The following GPRASP3 variants were observed in gnomAD, a reference collection of about 807,000 sequenced individuals.
The protein encoded by GPRASP3 is G protein-coupled receptor associated sorting protein family member 3, also known as G protein-coupled receptor associated sorting protein 3.
At chrX:102,744,109 C>T in the GPRASP3 span, among the ~76,000 whole-genome samples, 1 of 111,310 alleles carries the variant, frequency 9.0e-6, no homozygotes, top group Non-Finnish European at 1.9e-5. Flanking sequence ...GTAAATGTCT[C>T]CCAAAGTTAG....
chrX:102,748,860 G>A, the GPRASP3 span: 96 of 629,919 alleles, frequency 1.5e-4, no homozygotes, highest in South Asian at 3.1e-3. Context: ...CTTTGTGACT[G>A]CAGAACTGAC....
At chrX:102,750,422 C>T in the GPRASP3 span, 1 of 1,201,476 alleles carries the variant, frequency 8.3e-7, no homozygotes, top group Non-Finnish European at 1.1e-6. Flanking sequence ...GAAAATCCAA[C>T]TGCAGCCAGA....
the GPRASP3 span, among the ~76,000 whole-genome samples, chrX:102,740,257 A>G: frequency 2.7e-5 from 3 of 111,640 alleles, no homozygotes; most frequent in African/African-American, 9.8e-5. Context: ...ATCAACCACA[A>G]AAAGCAGAGT....
At chrX:102,737,004 TC>T in the GPRASP3 span, among the ~76,000 whole-genome samples, 2 of 111,753 alleles carry the variant, frequency 1.8e-5, no homozygotes, top group African/African-American at 3.3e-5. Context: ...CCTCTTTTTT[TC>T]CCAAGGAGTC....
At chrX:102,726,043 A>G in the GPRASP3 span, among the ~76,000 whole-genome samples, 2 of 112,309 alleles carry the variant, frequency 1.8e-5, no homozygotes, top group African/African-American at 6.5e-5. Flanking sequence ...TTGTGTTAAT[A>G]TTAAGATTTA....
chrX:102,733,335 T>A, the GPRASP3 span, among the ~76,000 whole-genome samples: 1 of 109,329 alleles, frequency 9.1e-6, no homozygotes, highest in Non-Finnish European at 1.9e-5. Context: ...GGCGGGCGCC[T>A]GTAATCCCAG....
chrX:102,739,217 GC>G, the GPRASP3 span, among the ~76,000 whole-genome samples: 189 of 111,437 alleles, frequency 1.7e-3, 1 homozygote, highest in Non-Finnish European at 3.2e-3. Flanking sequence ...CCTTTAACCA[GC>G]CTATATCCTT....
chrX:102,752,346 T>G, the GPRASP3 span: 2 of 123,587 alleles, frequency 1.6e-5, no homozygotes, highest in African/African-American at 6.5e-5. Context: ...CCAGTTAAAC[T>G]AAAACAAGAT....
At chrX:102,745,710 C>T in the GPRASP3 span, among the ~76,000 whole-genome samples, 1 of 111,352 alleles carries the variant, frequency 9.0e-6, no homozygotes, top group South Asian at 3.8e-4. Flanking sequence ...CTGCTCCCTC[C>T]AGCGCGGCTC....
the GPRASP3 span, among the ~76,000 whole-genome samples, chrX:102,723,644 T>C: frequency 9.0e-6 from 1 of 111,250 alleles, no homozygotes; most frequent in Non-Finnish European, 1.9e-5. Context: ...CTTCAAAAAA[T>C]CTTGGAATTT....
the GPRASP3 span, among the ~76,000 whole-genome samples, chrX:102,739,183 T>C: frequency 2.7e-5 from 3 of 111,871 alleles, no homozygotes; most frequent in African/African-American, 9.8e-5. Context: ...ACAAGATATT[T>C]TCCTTTCACA....
At chrX:102,739,257 T>C in the GPRASP3 span, among the ~76,000 whole-genome samples, 1 of 111,611 alleles carries the variant, frequency 9.0e-6, no homozygotes, top group African/African-American at 3.3e-5. Flanking sequence ...TGACTCTCAC[T>C]CAGAGGATTT....
the GPRASP3 span, among the ~76,000 whole-genome samples, chrX:102,729,743 G>A: frequency 1.8e-5 from 2 of 111,772 alleles, no homozygotes; most frequent in Non-Finnish European, 3.8e-5. Context: ...GGTGGCGGGT[G>A]CCTGTAATCC....
chrX:102,745,971 C>T, the GPRASP3 span: 3 of 111,941 alleles, frequency 2.7e-5, no homozygotes, highest in African/African-American at 6.5e-5. Flanking sequence ...CCTCCGCCCC[C>T]CTTCCCGACA....
At chrX:102,742,383 A>C in the GPRASP3 span, among the ~76,000 whole-genome samples, 1 of 111,714 alleles carries the variant, frequency 9.0e-6, no homozygotes, top group African/African-American at 3.3e-5. Flanking sequence ...AGGCCTAACA[A>C]ATTAGCTACA....
the GPRASP3 span, among the ~76,000 whole-genome samples, chrX:102,742,339 G>A: frequency 9.0e-6 from 1 of 111,082 alleles, no homozygotes; most frequent in East Asian, 2.9e-4. Flanking sequence ...GGGTCGGGGG[G>A]GACCTTCTTG....
At chrX:102,723,406 A>C in the GPRASP3 span, among the ~76,000 whole-genome samples, 1 of 111,632 alleles carries the variant, frequency 9.0e-6, no homozygotes, top group South Asian at 3.8e-4. Flanking sequence ...ATTAGTCCCT[A>C]GGACTGCATC....
At chrX:102,745,818 C>G in the GPRASP3 span, among the ~76,000 whole-genome samples, 1 of 111,144 alleles carries the variant, frequency 9.0e-6, no homozygotes, top group Middle Eastern at 4.3e-3. Flanking sequence ...GTGGTCGCCA[C>G]GTTAGGGTCC....
At chrX:102,726,375 T>C in the GPRASP3 span, among the ~76,000 whole-genome samples, 1 of 112,778 alleles carries the variant, frequency 8.9e-6, no homozygotes, top group African/African-American at 3.2e-5. Flanking sequence ...CAATCAGATC[T>C]TCTGTTCCTC....
Sources: allele counts gnomAD v4.1 joint callset (sites outside exome capture counted in the v4.1 genomes callset), GRCh38; gene constraint gnomAD v4.1.1; transcripts MANE v1.5; gene names NCBI Gene and HGNC (gene_info 2026-07-23, HGNC 2026-07-21).